Variants in SCHIP1 observed in about 807,000 individuals in gnomAD.
SCHIP1 encodes the protein schwannomin-interacting protein 1.
A neutral mutation model predicts 29.7 loss-of-function variants in SCHIP1; 8 were observed. That is an observed-to-expected ratio of 0.27 (90% CI 0.16 to 0.49). SCHIP1 has a LOEUF of 0.49. Ranked by LOEUF, SCHIP1 falls within the 20% of genes least tolerant of loss-of-function variation. The pLI is 0.99. For missense variants in SCHIP1, 193 were observed against 294.6 expected (o/e 0.66, Z 2.52); for synonymous variants, 76 against 94.9 (o/e 0.80, Z 1.16).
chr3:159,820,450 A>G, the SCHIP1 span, among the ~76,000 whole-genome samples: 1 of 152,192 alleles, frequency 6.6e-6, no homozygotes, highest in South Asian at 2.1e-4. Flanking sequence ...ATGATTACAC[A>G]CAGATCCTTT....
At chr3:159,645,175 A>G in the SCHIP1 span, among the ~76,000 whole-genome samples, 1 of 152,134 alleles carries the variant, frequency 6.6e-6, no homozygotes, top group Non-Finnish European at 1.5e-5. Context: ...AGGCAACACA[A>G]TCCATGTAAG....
At chr3:159,740,200 C>T in the SCHIP1 span, among the ~76,000 whole-genome samples, 1 of 152,198 alleles carries the variant, frequency 6.6e-6, no homozygotes. Context: ...CAACTCAATT[C>T]TCATTTGAGG....
the SCHIP1 span, among the ~76,000 whole-genome samples, chr3:159,730,729 A>G: frequency 1.3e-5 from 2 of 152,318 alleles, no homozygotes; most frequent in African/African-American, 4.8e-5. Context: ...TAAAGCAAAT[A>G]AATCATGTAT....
chr3:159,588,219 GTGA>G, the SCHIP1 span, among the ~76,000 whole-genome samples: 248 of 152,296 alleles, frequency 1.6e-3, 1 homozygote, highest in African/African-American at 5.6e-3. Context: ...CTGATGGCCA[GTGA>G]TGATGAGCAT....
chr3:159,415,534 G>A, the SCHIP1 span, among the ~76,000 whole-genome samples: 1 of 152,080 alleles, frequency 6.6e-6, no homozygotes, highest in African/African-American at 2.4e-5. Flanking sequence ...CCTTCTATAA[G>A]TGAGAATGTG....
chr3:159,639,562 T>C, the SCHIP1 span, among the ~76,000 whole-genome samples: 2 of 152,202 alleles, frequency 1.3e-5, no homozygotes, highest in Non-Finnish European at 2.9e-5. Context: ...TTTAGCATCC[T>C]TGGGGCTATT....
the SCHIP1 span, among the ~76,000 whole-genome samples, chr3:159,666,592 G>A: frequency 1.3e-4 from 20 of 152,248 alleles, no homozygotes; most frequent in Admixed American, 1.3e-3. Context: ...AAGAAATTAT[G>A]CTAACCATGG....
At chr3:159,593,862 A>T in the SCHIP1 span, among the ~76,000 whole-genome samples, 1 of 152,210 alleles carries the variant, frequency 6.6e-6, no homozygotes, top group African/African-American at 2.4e-5. Flanking sequence ...TTTCTTTCTG[A>T]AGTAGTGTAG....
the SCHIP1 span, among the ~76,000 whole-genome samples, chr3:159,386,583 C>G: frequency 6.6e-6 from 1 of 152,044 alleles, no homozygotes; most frequent in African/African-American, 2.4e-5. Flanking sequence ...CCCACATAGC[C>G]AAGACAATCC....
chr3:159,395,183 T>C, the SCHIP1 span, among the ~76,000 whole-genome samples: 1 of 152,216 alleles, frequency 6.6e-6, no homozygotes, highest in Non-Finnish European at 1.5e-5. Flanking sequence ...TATCATTTTT[T>C]ATTGCATCTA....
chr3:159,373,990 A>G, the SCHIP1 span, among the ~76,000 whole-genome samples: 1 of 152,162 alleles, frequency 6.6e-6, no homozygotes, highest in Non-Finnish European at 1.5e-5. Flanking sequence ...TTTTTGAGAA[A>G]TCTCCACACA....
the SCHIP1 span, among the ~76,000 whole-genome samples, chr3:159,457,012 A>G: frequency 6.6e-6 from 1 of 152,204 alleles, no homozygotes; most frequent in African/African-American, 2.4e-5. Context: ...AACCCTTACT[A>G]TAATTATAAT....
At chr3:159,304,095 G>A in the SCHIP1 span, among the ~76,000 whole-genome samples, 8 of 147,110 alleles carry the variant, frequency 5.4e-5, no homozygotes, top group Non-Finnish European at 8.9e-5. Context: ...TCCCACCTAT[G>A]AGTGAGAATA....
the SCHIP1 span, among the ~76,000 whole-genome samples, chr3:159,681,844 A>G: frequency 6.6e-6 from 1 of 151,918 alleles, no homozygotes; most frequent in East Asian, 1.9e-4. Flanking sequence ...GGGTTAACTC[A>G]ACGTTAACTT....
chr3:159,584,665 G>T, the SCHIP1 span, among the ~76,000 whole-genome samples: 1 of 152,086 alleles, frequency 6.6e-6, no homozygotes, highest in Non-Finnish European at 1.5e-5. Context: ...TAGATGAGAG[G>T]TTCTCAGTGT....
the SCHIP1 span, among the ~76,000 whole-genome samples, chr3:159,694,572 GAAAGAAAGAAAGAAAGA>G: frequency 6.7e-6 from 1 of 148,804 alleles, no homozygotes; most frequent in Non-Finnish European, 1.5e-5. Flanking sequence ...AAGAAAGAAA[GAAAGAAAGAAAGAAAGA>G]AAGAAAGAAA....
the SCHIP1 span, among the ~76,000 whole-genome samples, chr3:159,687,827 A>G: frequency 6.6e-6 from 1 of 152,032 alleles, no homozygotes; most frequent in Non-Finnish European, 1.5e-5. Flanking sequence ...TTCAACTTCC[A>G]CTTATGAGTG....
chr3:159,383,465 A>G, the SCHIP1 span, among the ~76,000 whole-genome samples: 1 of 151,852 alleles, frequency 6.6e-6, no homozygotes, highest in Non-Finnish European at 1.5e-5. Flanking sequence ...CCATTGATCT[A>G]TATCTCTCTT....
At chr3:159,366,751 A>T in the SCHIP1 span, among the ~76,000 whole-genome samples, 4 of 152,284 alleles carry the variant, frequency 2.6e-5, no homozygotes, top group East Asian at 7.7e-4. Context: ...CACATCTCCC[A>T]CTATGCCTGT....
Sources: gnomAD v4.1 joint callset for allele counts (sites outside exome capture counted in the v4.1 genomes callset) on GRCh38, gnomAD v4.1.1 for gene constraint, MANE v1.5 for transcripts, NCBI Gene and HGNC (gene_info 2026-07-23, HGNC 2026-07-21) for gene names.